The following PLCG2 variants were observed in gnomAD, a reference collection of about 807,000 sequenced individuals.
PLCG2 encodes phospholipase C gamma 2.
A neutral mutation model predicts 175.6 loss-of-function variants in PLCG2; 69 were observed. That is an observed-to-expected ratio of 0.39 (90% CI 0.32 to 0.48). PLCG2 has a LOEUF of 0.48. Ranked by LOEUF, PLCG2 falls within the 20% of genes least tolerant of loss-of-function variation. The pLI is 0.91. For synonymous variants in PLCG2, 827 were observed against 624.0 expected, an observed-to-expected ratio of 1.33 and a Z score of -4.85; for missense variants, 1,798 against 1,650.9, an observed-to-expected ratio of 1.09 and a Z score of -1.54.
intron 2 of PLCG2, among the ~76,000 whole-genome samples, chr16:81,825,563 G>A (rs1460969277): frequency 2.0e-5 from 3 of 152,094 alleles, no homozygotes; most frequent in Non-Finnish European, 2.9e-5. Flanking sequence ...CCAAAGTGCT[G>A]GGATTATAGG....
chr16:81,782,960 A>G (rs1017543296), intron 1 of PLCG2, among the ~76,000 whole-genome samples: 3 of 152,120 alleles, frequency 2.0e-5, no homozygotes, highest in Non-Finnish European at 2.9e-5. Context: ...AGCTATTACA[A>G]AGCAATTGGT....
chr16:81,770,254 A>T (rs1910248187), intron 2 of PLCG2, among the ~76,000 whole-genome samples: 1 of 152,106 alleles, frequency 6.6e-6, no homozygotes, highest in Non-Finnish European at 1.5e-5. Context: ...GGTGCTGCTC[A>T]TCACCACCTT....
At chr16:81,895,727 C>A in intron 12 of PLCG2, 80 bp from the exon 13 acceptor site, 1 of 1,522,946 alleles carries the variant, frequency 6.6e-7, no homozygotes, top group South Asian at 1.1e-5. Flanking sequence ...AGTAACTGAA[C>A]TGGTGTGTGG....
At chr16:81,803,527 C>CTCTTGCT (rs1491300745) in intron 2 of PLCG2, among the ~76,000 whole-genome samples, 5 of 148,958 alleles carry the variant, frequency 3.4e-5, no homozygotes, top group Admixed American at 6.7e-5. Context: ...TCTTTCTTTC[C>CTCTTGCT]TTTCTTTCTT....
At chr16:81,851,603 C>T (rs1375378861) in intron 2 of PLCG2, among the ~76,000 whole-genome samples, 1 of 152,186 alleles carries the variant, frequency 6.6e-6, no homozygotes, top group East Asian at 1.9e-4. Flanking sequence ...ACCTCCGCCT[C>T]CCGAGTTCAG....
At chr16:81,899,289 T>TATATATATATATACACACAC (rs908648451) in intron 13 of PLCG2, among the ~76,000 whole-genome samples, 2 of 92,420 alleles carry the variant, frequency 2.2e-5, no homozygotes, top group African/African-American at 7.6e-5. Context: ...TATATATATA[T>TATATATATATATACACACAC]ACACACACAC....
At chr16:81,796,651 G>C (rs1373318888) in intron 2 of PLCG2, among the ~76,000 whole-genome samples, 1 of 152,214 alleles carries the variant, frequency 6.6e-6, no homozygotes, top group African/African-American at 2.4e-5. Context: ...ATGGAATAGA[G>C]TGGGCCCTAA....
At chr16:81,904,080 T>A (rs1169315856) in intron 14 of PLCG2, among the ~76,000 whole-genome samples, 3 of 152,152 alleles carry the variant, frequency 2.0e-5, no homozygotes, top group Non-Finnish European at 4.4e-5. Context: ...TCAGCCAGGG[T>A]CACACATTTA....
At chr16:81,892,394 A>G (rs1425351799) in intron 11 of PLCG2, among the ~76,000 whole-genome samples, 1 of 152,132 alleles carries the variant, frequency 6.6e-6, no homozygotes. Flanking sequence ...AGTCTGTCTT[A>G]TTGGGTGAGG....
At chr16:81,836,933 C>T (rs562761247) in intron 2 of PLCG2, among the ~76,000 whole-genome samples, 11 of 152,292 alleles carry the variant, frequency 7.2e-5, no homozygotes, top group African/African-American at 2.6e-4. Flanking sequence ...CTCAGTGTTT[C>T]TGTGCATGTG....
intron 2 of PLCG2, among the ~76,000 whole-genome samples, chr16:81,799,702 C>G: frequency 6.6e-6 from 1 of 151,636 alleles, no homozygotes; most frequent in Admixed American, 6.6e-5. Context: ...ACACCATTCT[C>G]CTGCCTCAAC....
In PLCG2 at chr16:81,765,954, T is replaced by A. The variant is rs191855652; in HGVS notation, c.-48+9988T>A. 8.8e-4 allele frequency among the ~76,000 whole-genome samples: 134 copies of A among 152,358 alleles called. 1 individual carries two copies. Among genetic ancestry groups the A allele is most frequent in the Non-Finnish European group, 7.1e-4 (48 of 68,030 alleles). ...ATTGACGGGGGACCCAGGTAACAGA[T>A]GCAGGCATTTGCTGTGAGTCACAAG... On this transcript the variant is annotated intron_variant, in intron 2 of 5. Transcript: ENST00000565054.
At chr16:81,805,537 C>CA (rs1296416233) in intron 2 of PLCG2, among the ~76,000 whole-genome samples, 21 of 142,252 alleles carry the variant, frequency 1.5e-4, no homozygotes, top group Non-Finnish European at 2.3e-4. Flanking sequence ...AAGAAAACAA[C>CA]AAAAAAAACC....
chr16:81,770,287 A>G (rs1258478537), intron 2 of PLCG2, among the ~76,000 whole-genome samples: 1 of 152,206 alleles, frequency 6.6e-6, no homozygotes, highest in Non-Finnish European at 1.5e-5. Flanking sequence ...CGTTCTGACT[A>G]CTAGCAGCCT....
intron 5 of PLCG2, among the ~76,000 whole-genome samples, chr16:81,868,353 C>A (rs1199140624): frequency 6.8e-6 from 1 of 148,130 alleles, no homozygotes. Context: ...ACCCCAGTGG[C>A]ATTAAAAGAA....
intron 1 of PLCG2, chr16:81,740,203 A>G (rs1909559064): frequency 6.6e-6 from 1 of 151,838 alleles, no homozygotes; most frequent in Non-Finnish European, 1.5e-5. Context: ...AGTGTGTGGC[A>G]GGTACGCAGG....
At chr16:81,941,518 G>A (rs530160338) in intron 30 of PLCG2, among the ~76,000 whole-genome samples, 14 of 151,658 alleles carry the variant, frequency 9.2e-5, no homozygotes, top group African/African-American at 3.4e-4. Context: ...TCCTTAGCAA[G>A]TTACTAGATG....
chr16:81,762,796 C>T (rs1024880578), intron 2 of PLCG2, among the ~76,000 whole-genome samples: 2 of 152,184 alleles, frequency 1.3e-5, no homozygotes, highest in African/African-American at 4.8e-5. Context: ...ATTAAAAATA[C>T]TTGCTAATCC....
intron 2 of PLCG2, among the ~76,000 whole-genome samples, chr16:81,799,273 C>A (rs780300176): frequency 5.4e-4 from 82 of 152,256 alleles, no homozygotes; most frequent in Non-Finnish European, 9.7e-4. Flanking sequence ...CCTGGTGTAC[C>A]ACCTTCCAAA....
Sources: allele counts gnomAD v4.1 joint callset (sites outside exome capture counted in the v4.1 genomes callset), GRCh38; gene constraint gnomAD v4.1.1; transcripts MANE v1.5; gene names NCBI Gene and HGNC (gene_info 2026-07-23, HGNC 2026-07-21).